Variants in PSIP1 observed in about 807,000 individuals in gnomAD.
PSIP1 encodes PC4 and SRSF1 interacting protein 1, also known as PC4 and SFRS1-interacting protein.
In PSIP1, 19 loss-of-function variants were observed where a neutral mutation model predicts 74.7. The ratio of observed to expected loss-of-function variants is 0.25; its 90% CI spans 0.18 to 0.37. The LOEUF (loss-of-function observed/expected upper bound fraction) is 0.37. Ranked by LOEUF, PSIP1 falls within the 10% of genes least tolerant of loss-of-function variation. The pLI is 1.00. For missense variants in PSIP1, 601 were observed against 614.3 expected (o/e 0.98, Z 0.23); for synonymous variants, 222 against 195.3 (o/e 1.14, Z -1.14).
intron 5 of PSIP1, among the ~76,000 whole-genome samples, chr9:15,486,317 A>C (rs2036555169): frequency 6.6e-6 from 1 of 152,200 alleles, no homozygotes; most frequent in Non-Finnish European, 1.5e-5. Flanking sequence ...TAAATTTATA[A>C]AACTACTTTT....
intron 10 of PSIP1, chr9:15,472,001 T>C: frequency 2.1e-6 from 2 of 974,840 alleles, no homozygotes; most frequent in Non-Finnish European, 2.4e-6. Flanking sequence ...AGTCTGTTCA[T>C]TATTATCATT....
chr9:15,510,514 A>G (rs2037819716), intron 1 of PSIP1, among the ~76,000 whole-genome samples, 185 bp from the exon 2 acceptor site: 1 of 151,922 alleles, frequency 6.6e-6, no homozygotes, highest in Non-Finnish European at 1.5e-5. Context: ...AAGAGACGCC[A>G]CCACCTGAAG....
At chr9:15,484,722 G>C (rs144277989) in intron 6 of PSIP1, among the ~76,000 whole-genome samples, 1 of 151,216 alleles carries the variant, frequency 6.6e-6, no homozygotes, top group Non-Finnish European at 1.5e-5. Context: ...GTGAGAATCC[G>C]TCTCAAAACA....
intron 14 of PSIP1, among the ~76,000 whole-genome samples, chr9:15,467,786 G>A (rs2035695682): frequency 6.6e-6 from 1 of 152,156 alleles, no homozygotes. Flanking sequence ...TAGAAGCTAA[G>A]GTTCAGTGCC....
chr9:15,478,631 T>C, intron 7 of PSIP1, 79 bp from the exon 8 acceptor site: 1 of 967,958 alleles, frequency 1.0e-6, no homozygotes, highest in Non-Finnish European at 1.6e-6. Context: ...ATATTAGAAA[T>C]GATACATACT....
At position 15,465,469 on chromosome 9, in the gene PSIP1, G is replaced by A. The variant is rs934154112; in HGVS notation, c.*51C>T. ...AAACTTTCAGCAGTCTATTTCAAAT[G>A]AAAACCATTACAAACTTCTCAAGTG... On this transcript the variant is annotated 3_prime_UTR_variant, in exon 16 of 16. Coordinates refer to ENST00000380733, the MANE Select transcript of PSIP1 (RefSeq NM_033222.5). 4.9e-6 allele frequency: 7 copies of A among 1,434,670 alleles called. No individual in the cohort carries two copies. The highest frequency in any genetic ancestry group is 5.8e-6 in the Non-Finnish European group (6 of 1,042,208). 88.9% of individuals were successfully genotyped at this position (1,434,670 alleles called of 1,614,324 possible).
In PSIP1 at chr9:15,488,479, A is replaced by G. The variant is rs567449651; in HGVS notation, c.288+1507T>C. Among the ~76,000 whole-genome samples, 11 of 152,332 alleles carry G rather than the reference A, an allele frequency of 7.2e-5. No individual in the cohort carries two copies. The South Asian group carries it at 2.1e-3, about 29-fold the overall frequency. ...TATTGATGAAAGAGAAACTGTCCCAATTATCTTCATAAAGACCTCTCATAG... is the reference window on the plus strand; with the variant it reads ...TATTGATGAAAGAGAAACTGTCCCAGTTATCTTCATAAAGACCTCTCATAG... On this transcript the variant is annotated intron_variant, in intron 4 of 15. Coordinates refer to ENST00000380733, the MANE Select transcript of PSIP1 (RefSeq NM_033222.5).
At chr9:15,475,967 G>A (rs1370067346) in intron 8 of PSIP1, among the ~76,000 whole-genome samples, 1 of 152,162 alleles carries the variant, frequency 6.6e-6, no homozygotes, top group Non-Finnish European at 1.5e-5. Context: ...TGAGGATTAT[G>A]AGTTGGTTTT....
chr9:15,468,251 A>T (rs2132036302), intron 14 of PSIP1: 1 of 457,252 alleles, frequency 2.2e-6, no homozygotes, highest in Non-Finnish European at 4.4e-6. Context: ...GCTGTGTTTT[A>T]ATTTAAAAGG....
At position 15,468,720 on chromosome 9, in the gene PSIP1, G is replaced by C. The variant is rs138825013; in HGVS notation, c.1330C>G (p.Leu444Val). Residue 444 changes from leucine (L) to valine (V), a missense_variant, in exon 14 of 16, where the codon CTT (leucine) becomes GTT (valine). Leu to Val is a conservative substitution (Grantham distance 32). This residue lies in a region of PSIP1 where 538 missense variants were observed against 507.6 expected (regional missense o/e 1.06). Coordinates refer to ENST00000380733, the MANE Select transcript of PSIP1 (RefSeq NM_033222.5). ...SVITQVLNKS[L>V]AEQRQHEEAN... ...TCCTCATGCTGTCTTTGTTCAGCAAGAGATTTATTCAGCACTTGGGTGATC... is the reference window on the plus strand; with the variant it reads ...TCCTCATGCTGTCTTTGTTCAGCAACAGATTTATTCAGCACTTGGGTGATC... The C allele has an allele frequency of 9.3e-6, 15 of 1,613,970 alleles. No homozygotes were observed. The highest frequency in any genetic ancestry group is 1.1e-5 in the Non-Finnish European group (13 of 1,180,018).
chr9:15,469,236 C>A (rs768155610), intron 12 of PSIP1, 30 bp downstream of exon 12: 1 of 1,404,098 alleles, frequency 7.1e-7, no homozygotes, highest in East Asian at 2.3e-5. Context: ...AAATGCAGTA[C>A]TGAAGTATTA....
Position 15,464,998 on chromosome 9 carries a change from G to C in PSIP1, c.*522C>G. On this transcript the variant is annotated 3_prime_UTR_variant, in exon 16 of 16. Transcript: ENST00000380733. Reference sequence around the variant, plus strand: ...TAATGTAGCACAATGTAGACTGTGAGATTAAAATTAACTTTTGATAAAAAG... The same window carrying C: ...TAATGTAGCACAATGTAGACTGTGACATTAAAATTAACTTTTGATAAAAAG... The C allele has an allele frequency of 4.6e-6, 1 of 219,596 alleles. No individual in the cohort carries two copies. The allele number at this position is 219,596 out of a possible 1,614,324, so 13.6% of individuals were successfully genotyped here.
intron 3 of PSIP1, among the ~76,000 whole-genome samples, chr9:15,497,569 C>T (rs1036245408): frequency 4.6e-5 from 7 of 152,000 alleles, no homozygotes. Flanking sequence ...TCGTGATCCG[C>T]CCACCTCGGC....
Position 15,504,552 on chromosome 9 carries a change from A to G in PSIP1, c.149+2009T>C, listed in dbSNP as rs1342830295. Among the ~76,000 whole-genome samples, 3 of 152,116 alleles carry G rather than the reference A, an allele frequency of 2.0e-5. No homozygotes were observed. In the East Asian group the frequency reaches 5.8e-4, roughly 29 times the overall value. ...GGAGATCGAGACCATCCTGGCTAAC[A>G]CGGTGAAACCCCATCTCTACTAAAA... On this transcript the variant is annotated intron_variant, in intron 3 of 15. Transcript: ENST00000380733.
At chr9:15,497,368 G>A (rs1473825660) in intron 3 of PSIP1, among the ~76,000 whole-genome samples, 1 of 136,514 alleles carries the variant, frequency 7.3e-6, no homozygotes, top group Non-Finnish European at 1.5e-5. Context: ...CTGTCACTCA[G>A]GCTGGAGTGC....
Position 15,488,366 on chromosome 9 carries a change from G to A in PSIP1, c.289-1435C>T, listed in dbSNP as rs976897336. The stretch of plus-strand genomic sequence containing the variant: ...ACAAAAAAAAGAGTAAAAAGCTGCA[G>A]AATTTCCACTTTGTTGCTACCTCGC... On this transcript the variant is annotated intron_variant, in intron 4 of 15. Coordinates refer to ENST00000380733, the MANE Select transcript of PSIP1 (RefSeq NM_033222.5). Among the ~76,000 whole-genome samples the A allele has an allele frequency of 2.0e-5, 3 of 152,126 alleles. No homozygotes were observed. The East Asian group carries it at 5.8e-4, about 29-fold the overall frequency.
rs944817070 is a variant in PSIP1, at chr9:15,472,335, C to A, written c.977+297G>T. On this transcript the variant is annotated intron_variant, in intron 10 of 15. Transcript: ENST00000380733. ...ATCTATATGTATTATATTATACAAA[C>A]AAATGGTTGAGGATGAGTACACTTC... 4 of 1,146,736 alleles carry A rather than the reference C, an allele frequency of 3.5e-6. No homozygotes were observed. The African/African-American group carries it at 6.6e-5, about 19-fold the overall frequency. The allele number at this position is 1,146,736 out of a possible 1,614,324, so 71.0% of individuals were successfully genotyped here.
At position 15,464,730 on chromosome 9, in the gene PSIP1, T is replaced by C. The variant is rs139069294; in HGVS notation, c.*790A>G. 9.2e-4 allele frequency: 188 copies of C among 203,638 alleles called. 2 individuals are homozygous for C. Among genetic ancestry groups the C allele is most frequent in the African/African-American group, 3.9e-3 (170 of 43,876 alleles). The allele number at this position is 203,638 out of a possible 1,614,324, so 12.6% of individuals were successfully genotyped here. On this transcript the variant is annotated 3_prime_UTR_variant, in exon 16 of 16. Coordinates refer to ENST00000380733, the MANE Select transcript of PSIP1 (RefSeq NM_033222.5). The stretch of plus-strand genomic sequence containing the variant: ...CTTAGTTTTCAGTTTTAGTTACTAG[T>C]GCCTGCCTATAAAAGGACCTTAAAT...
At position 15,465,480 on chromosome 9, in the gene PSIP1, C is replaced by T. The variant is rs780318002; in HGVS notation, c.*40G>A. ...AGTCTATTTCAAATGAAAACCATTA[C>T]AAACTTCTCAAGTGTTCTCTATATT... is the stretch of plus-strand genomic sequence containing the variant. On this transcript the variant is annotated 3_prime_UTR_variant, in exon 16 of 16. Coordinates refer to ENST00000380733, the MANE Select transcript of PSIP1 (RefSeq NM_033222.5). 6.8e-7 allele frequency: 1 copy of T among 1,467,082 alleles called. No individual in the cohort carries two copies. The highest frequency in any genetic ancestry group is 2.3e-5 in the East Asian group (1 of 42,878). The allele number at this position is 1,467,082 out of a possible 1,614,324, so 90.9% of individuals were successfully genotyped here.
Sources: gnomAD v4.1 joint callset for allele counts (sites outside exome capture counted in the v4.1 genomes callset) on GRCh38, gnomAD v4.1.1 for gene constraint, gnomAD v4.1.1 regional missense constraint, MANE v1.5 for transcripts, NCBI Gene and HGNC (gene_info 2026-07-23, HGNC 2026-07-21) for gene names.